Variants in TOPAZ1 observed in about 807,000 individuals in gnomAD.
TOPAZ1 encodes testis and ovary specific TOPAZ 1.
A neutral mutation model predicts 172.2 loss-of-function variants in TOPAZ1; 66 were observed. That is an observed-to-expected ratio of 0.38 (90% CI 0.31 to 0.47). The LOEUF is 0.47. Among genes scored for constraint, TOPAZ1 ranks in the 20% least tolerant of loss-of-function variants. The pLI, the probability that TOPAZ1 is intolerant of heterozygous loss-of-function variation, is 0.99. For missense variants in TOPAZ1, 1,822 were observed against 1,972.4 expected, an observed-to-expected ratio of 0.92 and a Z score of 1.44; for synonymous variants, 681 against 683.9, an observed-to-expected ratio of 1.00 and a Z score of 0.07.
In TOPAZ1 at chr3:44,254,956, G is replaced by C; in HGVS notation, c.2766-12G>C. On this transcript the variant is annotated splice_polypyrimidine_tract_variant and intron_variant, in intron 2 of 19. Transcript: ENST00000309765. ...CTATTATAATGTTTAAGCTCTGTTTGCTTTATAATAGAGAACTTCCTGTAC... is the reference window on the plus strand; with the variant it reads ...CTATTATAATGTTTAAGCTCTGTTTCCTTTATAATAGAGAACTTCCTGTAC... The C allele has an allele frequency of 6.5e-7, 1 of 1,542,786 alleles. No individual in the cohort carries two copies. The highest frequency in any genetic ancestry group is 8.8e-7 in the Non-Finnish European group (1 of 1,139,360).
At chr3:44,286,154 G>T in intron 9 of TOPAZ1, among the ~76,000 whole-genome samples, 2 of 151,670 alleles carry the variant, frequency 1.3e-5, no homozygotes, top group Admixed American at 6.6e-5. Context: ...GGCAGAGGTT[G>T]CAGTGAGCTG....
chr3:44,268,122 G>A (rs1465091515), intron 6 of TOPAZ1, among the ~76,000 whole-genome samples: 1 of 151,974 alleles, frequency 6.6e-6, no homozygotes, highest in Admixed American at 6.6e-5. Flanking sequence ...CAACATTAAG[G>A]GATATGATGC....
intron 18 of TOPAZ1, among the ~76,000 whole-genome samples, chr3:44,327,974 C>A (rs1700621051): frequency 6.6e-6 from 1 of 152,002 alleles, no homozygotes; most frequent in Non-Finnish European, 1.5e-5. Context: ...AAACTACTGA[C>A]CTCAAGAGAT....
At chr3:44,334,629 A>T (rs1037913124), downstream of TOPAZ1, among the ~76,000 whole-genome samples, 2 of 152,158 alleles carry the variant, frequency 1.3e-5, no homozygotes, top group Non-Finnish European at 2.9e-5. Flanking sequence ...AAGAATAATG[A>T]GGAATAAAGG....
chr3:44,255,503 T>C (rs1174730359), intron 3 of TOPAZ1, among the ~76,000 whole-genome samples: 2 of 151,678 alleles, frequency 1.3e-5, no homozygotes, highest in Non-Finnish European at 1.5e-5. Flanking sequence ...GTACAAAAAA[T>C]TAGCCGGGCG....
In TOPAZ1 at chr3:44,244,523, C is replaced by T. The variant is rs17646517; in HGVS notation, c.2017C>T (p.Pro673Ser). ...CATTGCTCAACAAACATTTATAGTT[C>T]CAGACTTGGTTAAAATATTGAACAC... is the stretch of plus-strand genomic sequence containing the variant. ...ACIAQQTFIV[P>S]DLVKILNTGR... Residue 673 changes from proline (P) to serine (S), a missense_variant, in exon 2 of 20, where the codon CCA becomes TCA. This residue lies in a region of TOPAZ1 where 1,489 missense variants were observed against 1,490.8 expected (regional missense o/e 1.00). Transcript: ENST00000309765. 6.4e-7 allele frequency: 1 copy of T among 1,551,052 alleles called. No homozygotes were observed. The highest frequency in any genetic ancestry group is 8.7e-7 in the Non-Finnish European group (1 of 1,146,858).
intron 9 of TOPAZ1, among the ~76,000 whole-genome samples, chr3:44,283,817 G>A (rs1427820285): frequency 6.6e-6 from 1 of 152,096 alleles, no homozygotes; most frequent in Admixed American, 6.6e-5. Context: ...ACGCATCATG[G>A]CCCTTTACCA....
chr3:44,262,957 C>A (rs759318416), intron 5 of TOPAZ1, among the ~76,000 whole-genome samples: 1 of 152,142 alleles, frequency 6.6e-6, no homozygotes, highest in East Asian at 1.9e-4. Flanking sequence ...AAGGCTCACC[C>A]AGGACAGGTG....
intron 9 of TOPAZ1, among the ~76,000 whole-genome samples, chr3:44,282,953 G>A (rs865995130): frequency 6.6e-6 from 1 of 152,146 alleles, no homozygotes; most frequent in Non-Finnish European, 1.5e-5. Context: ...CTTGTGACCT[G>A]AGGGATTTTG....
chr3:44,243,503 A>G lies in TOPAZ1; in HGVS notation c.997A>G (p.Arg333Gly). Reference protein sequence around the residue: ...ESSVGRKPRKRMKLSEKADET... With the variant: ...ESSVGRKPRKGMKLSEKADET... ...CAGTGTTGGGCGAAAACCCAGGAAA[A>G]GGATGAAGTTGTCTGAAAAAGCAGA... Residue 333 changes from arginine to glycine, a missense_variant, in exon 2 of 20, where the codon AGG becomes GGG. Transcript: ENST00000309765. 6.4e-7 allele frequency: 1 copy of G among 1,551,740 alleles called. No individual in the cohort carries two copies. The highest frequency in any genetic ancestry group is 1.4e-5 in the African/African-American group (1 of 73,180).
Position 44,254,981 on chromosome 3 carries a change from C to T in TOPAZ1, c.2779C>T (p.Leu927=), listed in dbSNP as rs1434656162. 1 of 1,551,080 alleles carries T rather than the reference C, an allele frequency of 6.4e-7. No homozygotes were observed. ...GCTTTATAATAGAGAACTTCCTGTA[C>T]TGGACTGTGGATGGATAAAGCCAGA... is the stretch of plus-strand genomic sequence containing the variant. ...PSDDLRELPV[L]DCGWIKPDIC... is the part of the protein sequence containing the mutation. Residue 927 remains leucine, a synonymous_variant, in exon 3 of 20, where the codon CTG becomes TTG. Coordinates refer to ENST00000309765, the MANE Select transcript of TOPAZ1 (RefSeq NM_001145030.2).
At position 44,270,742 on chromosome 3, in the gene TOPAZ1, A is replaced by AAT; in HGVS notation, c.3306_3307dup (p.Thr1103IlefsTer33). 6.4e-7 allele frequency: 1 copy of AAT among 1,550,844 alleles called. No homozygotes were observed. Among genetic ancestry groups the AAT allele is most frequent in the Non-Finnish European group, 8.7e-7 (1 of 1,146,440 alleles). On this transcript the variant is annotated frameshift_variant, in exon 8 of 20. Transcript: ENST00000309765. LOFTEE classifies it high-confidence loss of function. ...CTATAAATATTGCAAATTTCATTTT[A>AAT]ATACATTACGTGGCTGTGAGCGACC...
intron 16 of TOPAZ1, among the ~76,000 whole-genome samples, chr3:44,316,442 A>C (rs753679759): frequency 7.9e-5 from 12 of 152,196 alleles, no homozygotes; most frequent in Non-Finnish European, 1.8e-4. Context: ...TATCACACTT[A>C]GGAAATATCA....
intron 13 of TOPAZ1, 74 bp downstream of exon 13, chr3:44,304,155 T>C: frequency 1.2e-6 from 1 of 810,734 alleles, no homozygotes; most frequent in Non-Finnish European, 1.9e-6. Context: ...GTTTGAATAA[T>C]AACCCCATTT....
At chr3:44,324,196 G>A (rs527689775) in intron 18 of TOPAZ1, among the ~76,000 whole-genome samples, 4 of 152,246 alleles carry the variant, frequency 2.6e-5, no homozygotes, top group African/African-American at 7.2e-5. Flanking sequence ...CATTTCAGTT[G>A]CATATATGCA....
In TOPAZ1 at chr3:44,244,673, G is replaced by A; in HGVS notation, c.2167G>A (p.Gly723Arg). 1 of 1,551,320 alleles carries A rather than the reference G, an allele frequency of 6.4e-7. No homozygotes were observed. The highest frequency in any genetic ancestry group is 8.7e-7 in the Non-Finnish European group (1 of 1,146,944). Residue 723 changes from glycine (G) to arginine (R), a missense_variant, in exon 2 of 20, where the codon GGA becomes AGA. Coordinates refer to ENST00000309765, the MANE Select transcript of TOPAZ1 (RefSeq NM_001145030.2). ...SPLELLDNLS[G>R]ADVRQNRSKE... Reference sequence around the variant, plus strand: ...TCTAGAACTTCTGGACAATTTATCTGGAGCAGACGTAAGACAGAACAGGAG... The same window carrying A: ...TCTAGAACTTCTGGACAATTTATCTAGAGCAGACGTAAGACAGAACAGGAG...
In TOPAZ1 at chr3:44,268,571, A is replaced by G. The variant is rs372652033; in HGVS notation, c.3161-645A>G. Among the ~76,000 whole-genome samples, 3 of 151,616 alleles carry G rather than the reference A, an allele frequency of 2.0e-5. No homozygotes were observed. In the South Asian group the frequency reaches 6.3e-4, roughly 32 times the overall value. On this transcript the variant is annotated intron_variant, in intron 6 of 19. Coordinates refer to ENST00000309765, the MANE Select transcript of TOPAZ1 (RefSeq NM_001145030.2). ...GTATTTTTAGTAGAGACGAGGTTTCACCATGTTGGCCAGGCTGGTCTCAAT... is the reference window on the plus strand; with the variant it reads ...GTATTTTTAGTAGAGACGAGGTTTCGCCATGTTGGCCAGGCTGGTCTCAAT...
At chr3:44,280,263 T>A (rs1418602778) in intron 8 of TOPAZ1, among the ~76,000 whole-genome samples, 1 of 151,914 alleles carries the variant, frequency 6.6e-6, no homozygotes, top group Non-Finnish European at 1.5e-5. Context: ...AGTGACTAGA[T>A]GCTTTTTTTT....
At chr3:44,272,211 G>A (rs1300616784) in intron 8 of TOPAZ1, among the ~76,000 whole-genome samples, 5 of 152,166 alleles carry the variant, frequency 3.3e-5, no homozygotes, top group African/African-American at 9.7e-5. Flanking sequence ...GAACATAGAC[G>A]TGCAGACATC....
Sources: allele counts gnomAD v4.1 joint callset (sites outside exome capture counted in the v4.1 genomes callset), GRCh38; gene constraint gnomAD v4.1.1; regional missense constraint gnomAD v4.1.1; transcripts MANE v1.5; gene names NCBI Gene and HGNC (gene_info 2026-07-23, HGNC 2026-07-21).